UNC13A: variants seen among roughly 807,000 people sequenced by gnomAD.
UNC13A encodes unc-13 homolog A, also known as protein unc-13 homolog A.
A neutral mutation model predicts 219.7 loss-of-function variants in UNC13A; 61 were observed. The ratio of observed to expected loss-of-function variants is 0.28; its 90% CI spans 0.23 to 0.34. UNC13A has a LOEUF of 0.34. UNC13A is among the 10% of genes least tolerant of loss of function. UNC13A has a pLI of 1.00. For missense variants in UNC13A, 1,476 were observed against 2,270.3 expected (o/e 0.65, Z 7.11); for synonymous variants, 920 against 884.6 (o/e 1.04, Z -0.71).
intron 1 of UNC13A, among the ~76,000 whole-genome samples, chr19:17,687,190 G>C (rs1360083581): frequency 1.3e-5 from 2 of 152,160 alleles, no homozygotes; most frequent in Non-Finnish European, 2.9e-5. Flanking sequence ...ATAAAGGTGT[G>C]GGGTGGGGGG....
chr19:17,683,944 A>T (rs1397511330), intron 1 of UNC13A, among the ~76,000 whole-genome samples: 1 of 151,790 alleles, frequency 6.6e-6, no homozygotes, highest in Non-Finnish European at 1.5e-5. Flanking sequence ...AAAAAGAAAA[A>T]AGTCAGCCGG....
chr19:17,666,439 T>C (rs1344003097), intron 7 of UNC13A, among the ~76,000 whole-genome samples: 1 of 152,110 alleles, frequency 6.6e-6, no homozygotes, highest in African/African-American at 2.4e-5. Flanking sequence ...GGTCTCGAAC[T>C]CCTGACCTCG....
intron 41 of UNC13A, among the ~76,000 whole-genome samples, chr19:17,615,338 C>T (rs996341622): frequency 1.3e-5 from 2 of 152,050 alleles, no homozygotes; most frequent in African/African-American, 4.8e-5. Flanking sequence ...CCTGAGATTT[C>T]GCCATTGCAC....
intron 26 of UNC13A, among the ~76,000 whole-genome samples, chr19:17,634,939 C>T (rs1456749160): frequency 1.3e-5 from 2 of 152,084 alleles, no homozygotes; most frequent in African/African-American, 2.4e-5. Context: ...TGGCCAATCT[C>T]GGCTCACTGC....
chr19:17,644,315 A>G (rs535209757), intron 19 of UNC13A, among the ~76,000 whole-genome samples: 1 of 150,118 alleles, frequency 6.7e-6, no homozygotes, highest in South Asian at 2.1e-4. Flanking sequence ...CAGCCTCCCA[A>G]GTGGCTGGGA....
At chr19:17,677,620 G>A (rs1413137732) in intron 1 of UNC13A, among the ~76,000 whole-genome samples, 2 of 152,104 alleles carry the variant, frequency 1.3e-5, no homozygotes, top group Admixed American at 6.6e-5. Context: ...ATCCGCCTTG[G>A]CCTCCCAAGG....
chr19:17,651,084 C>CAT (rs2079337525), intron 12 of UNC13A, among the ~76,000 whole-genome samples: 1 of 151,100 alleles, frequency 6.6e-6, no homozygotes, highest in Non-Finnish European at 1.5e-5. Context: ...ATTACAGGTG[C>CAT]GCACCACGAC....
At chr19:17,665,783 A>T (rs2079628639) in intron 7 of UNC13A, among the ~76,000 whole-genome samples, 2 of 152,160 alleles carry the variant, frequency 1.3e-5, no homozygotes, top group African/African-American at 4.8e-5. Context: ...TTGTGGAATG[A>T]GTTATACGCC....
chr19:17,655,207 G>A, intron 11 of UNC13A, 67 bp downstream of exon 11: 1 of 1,343,480 alleles, frequency 7.4e-7, no homozygotes, highest in East Asian at 2.5e-5. Context: ...GCCAAAACAT[G>A]TGTGGGCCTG....
At chr19:17,667,535 G>C (rs897090093) in intron 6 of UNC13A, among the ~76,000 whole-genome samples, 1 of 151,820 alleles carries the variant, frequency 6.6e-6, no homozygotes, top group African/African-American at 2.4e-5. Context: ...GTGCAGCAGC[G>C]TGATCTCGGC....
At chr19:17,608,204 A>G (rs2076555295) in intron 43 of UNC13A, among the ~76,000 whole-genome samples, 1 of 144,374 alleles carries the variant, frequency 6.9e-6, no homozygotes, top group Non-Finnish European at 1.5e-5. Context: ...CCACCACAAC[A>G]CACAGCTAAT....
At chr19:17,670,152 T>G (rs2079757296) in intron 4 of UNC13A, among the ~76,000 whole-genome samples, 1 of 151,978 alleles carries the variant, frequency 6.6e-6, no homozygotes. Context: ...TTCACCGTGT[T>G]AGCCAGGATG....
At chr19:17,663,408 G>A in intron 8 of UNC13A, 124 bp downstream of exon 8, 1 of 1,041,698 alleles carries the variant, frequency 9.6e-7, no homozygotes. Flanking sequence ...TGAGCCCTCT[G>A]GCCCCCACGT....
intron 4 of UNC13A, among the ~76,000 whole-genome samples, chr19:17,670,715 C>T (rs1462301453): frequency 6.6e-6 from 1 of 151,894 alleles, no homozygotes; most frequent in African/African-American, 2.4e-5. Context: ...ACCAGCCTGG[C>T]CAACATGGCG....
At chr19:17,625,957 C>T (rs892113128) in intron 34 of UNC13A, among the ~76,000 whole-genome samples, 1 of 151,714 alleles carries the variant, frequency 6.6e-6, no homozygotes, top group African/African-American at 2.4e-5. Flanking sequence ...ATCCAGCCAG[C>T]CAGACAGACA....
Position 17,601,635 on chromosome 19 carries a change from T to TG in UNC13A, c.*4418dup, listed in dbSNP as rs1353600139. The TG allele has an allele frequency of 6.6e-6, 1 of 152,004 alleles. No homozygotes were observed. Among genetic ancestry groups the TG allele is most frequent in the Admixed American group, 6.6e-5 (1 of 15,260 alleles). 9.4% of individuals were successfully genotyped at this position (152,004 alleles called of 1,614,324 possible). The stretch of plus-strand genomic sequence containing the variant: ...CTCCCCGGACTGCTTGGCCGGTTTG[T>TG]GGGGGTCTGAGGGAGCACGAGACAG... On this transcript the variant is annotated 3_prime_UTR_variant, in exon 44 of 44. Coordinates refer to ENST00000519716, the MANE Select transcript of UNC13A (RefSeq NM_001080421.3).
At chr19:17,675,779 C>A (rs1804179254) in intron 2 of UNC13A, among the ~76,000 whole-genome samples, 1 of 152,160 alleles carries the variant, frequency 6.6e-6, no homozygotes, top group South Asian at 2.1e-4. Context: ...CAAGCCCCAC[C>A]CCTTACAGAC....
At chr19:17,639,001 C>A in intron 25 of UNC13A, 82 bp downstream of exon 25, 3 of 1,440,096 alleles carry the variant, frequency 2.1e-6, no homozygotes, top group Non-Finnish European at 2.8e-6. Context: ...AGAGTTAAAT[C>A]CCTCGGGAAG....
chr19:17,619,438 C>CT (rs3049774), intron 38 of UNC13A, among the ~76,000 whole-genome samples: 6,252 of 90,248 alleles, frequency 0.069, 203 homozygotes, highest in Admixed American at 0.14. Context: ...TTTTTCTTTT[C>CT]TTTTTTTTTT....
Sources: allele counts gnomAD v4.1 joint callset (sites outside exome capture counted in the v4.1 genomes callset), GRCh38; gene constraint gnomAD v4.1.1; transcripts MANE v1.5; gene names NCBI Gene and HGNC (gene_info 2026-07-23, HGNC 2026-07-21).